CUX1: variants seen among roughly 807,000 people sequenced by gnomAD.
CUX1 encodes protein CASP.
A neutral mutation model predicts 158.8 loss-of-function variants in CUX1; 31 were observed. That is an observed-to-expected ratio of 0.20 (90% CI 0.15 to 0.26). The LOEUF is 0.26. Ranked by LOEUF, CUX1 falls within the 10% of genes least tolerant of loss-of-function variation. The probability of loss-of-function intolerance (pLI) is 1.00; values close to 1 mark genes in which losing one functional copy is unlikely to be tolerated. For synonymous variants in CUX1, 879 were observed against 862.1 expected, an observed-to-expected ratio of 1.02 and a Z score of -0.34; for missense variants, 1,589 against 2,014.6, an observed-to-expected ratio of 0.79 and a Z score of 4.04.
chr7:101,877,420 C>T (rs1358075649), intron 1 of CUX1, among the ~76,000 whole-genome samples: 1 of 152,198 alleles, frequency 6.6e-6, no homozygotes, highest in Non-Finnish European at 1.5e-5. Context: ...GGTACAGTGG[C>T]TCATGCCTGT....
rs563159566 is a variant in CUX1, at chr7:101,941,940, C to T, written c.141+25715C>T. 1.3e-4 allele frequency among the ~76,000 whole-genome samples: 20 copies of T among 152,264 alleles called. No homozygotes were observed. The South Asian group carries it at 4.1e-3, about 32-fold the overall frequency. On this transcript the variant is annotated intron_variant, in intron 2 of 23. Coordinates refer to ENST00000292535, the MANE Select transcript of CUX1 (RefSeq NM_181552.4). ...GAAAGGTTTCTCTCTCTCCCTCCCC[C>T]TCTCTCTGTCCCTGTTTTTAAGTCC...
rs556985865 is a variant in CUX1 at position 102,252,934 on chromosome 7, C to G, written c.*3892C>G. 6 of 985,456 alleles carry G rather than the reference C, an allele frequency of 6.1e-6. No homozygotes were observed. The Admixed American group carries it at 3.7e-4, about 61-fold the overall frequency. 61.0% of individuals were successfully genotyped at this position (985,456 alleles called of 1,614,324 possible). On this transcript the variant is annotated 3_prime_UTR_variant, in exon 24 of 24. Transcript: ENST00000292535. ...GTCTCCTGGGACAGGATTGGGGTGA[C>G]AGCCCAGGGATGCATGCATGGGAGA...
At chr7:101,971,028 T>TGA (rs1811882933) in intron 2 of CUX1, among the ~76,000 whole-genome samples, 1 of 152,222 alleles carries the variant, frequency 6.6e-6, no homozygotes, top group African/African-American at 2.4e-5. Flanking sequence ...GGCACTGAGC[T>TGA]GAGCACGTTC....
At chr7:102,197,445 A>G in intron 15 of CUX1, 140 bp downstream of exon 15, 4 of 1,052,734 alleles carry the variant, frequency 3.8e-6, no homozygotes, top group Non-Finnish European at 5.5e-6. Context: ...TGCTTCTGCC[A>G]CGTCCAGAGC....
At position 102,201,673 on chromosome 7, in the gene CUX1, C is replaced by T. The variant is rs782446359; in HGVS notation, c.2376C>T (p.Pro792=). 1.2e-5 allele frequency: 19 copies of T among 1,612,786 alleles called. No homozygotes were observed. Among genetic ancestry groups the T allele is most frequent in the South Asian group, 3.3e-5 (3 of 91,086 alleles). Residue 792 remains proline, a synonymous_variant, in exon 18 of 24, where the codon CCC becomes CCT. Transcript: ENST00000292535. This position sits in a 1 kb window ranked among gnomAD's most constrained non-coding sequence, Gnocchi z 5.0. ...TCAAAAAGGAGGCCCAGGACGCCCCCGGGCTGGACCCCCAGGGAGCAGCCG... is the reference window on the plus strand; with the variant it reads ...TCAAAAAGGAGGCCCAGGACGCCCCTGGGCTGGACCCCCAGGGAGCAGCCG... The part of the protein sequence containing the change: ...PALKKEAQDA[P]GLDPQGAADC...
intron 21 of CUX1, among the ~76,000 whole-genome samples, chr7:102,229,197 T>A (rs1798678963): frequency 6.6e-6 from 1 of 152,146 alleles, no homozygotes; most frequent in African/African-American, 2.4e-5. Flanking sequence ...GGCCTCGGCC[T>A]GGCACATGCT....
intron 8 of CUX1, among the ~76,000 whole-genome samples, chr7:102,124,724 G>A (rs10243722): frequency 1.5e-3 from 227 of 152,210 alleles, no homozygotes; most frequent in African/African-American, 5.3e-3. Context: ...AAGTTTGAGA[G>A]ATGTATTAGA....
rs1173717385 is a variant in CUX1 at position 102,207,188 on chromosome 7, C to T, written c.3130+2018C>T. On this transcript the variant is annotated intron_variant, in intron 20 of 23. Coordinates refer to ENST00000292535, the MANE Select transcript of CUX1 (RefSeq NM_181552.4). The stretch of plus-strand genomic sequence containing the variant: ...GTTAGTTAAGACTCCTGGGCAATCT[C>T]GCAGATTGGAAGCAGGAGAGAGAAA... Among the ~76,000 whole-genome samples the T allele has an allele frequency of 2.0e-5, 3 of 152,186 alleles. No homozygotes were observed. The Middle Eastern group carries it at 0.01, about 518-fold the overall frequency.
intron 1 of CUX1, among the ~76,000 whole-genome samples, chr7:101,902,439 T>C (rs987290306): frequency 6.6e-6 from 1 of 152,212 alleles, no homozygotes; most frequent in Non-Finnish European, 1.5e-5. Context: ...TACATGTAAC[T>C]GTTGGGCCCT....
intron 6 of CUX1, among the ~76,000 whole-genome samples, chr7:102,107,935 A>C (rs1395109903): frequency 6.6e-6 from 1 of 152,076 alleles, no homozygotes; most frequent in Non-Finnish European, 1.5e-5. Flanking sequence ...CAGGGCACAG[A>C]CTCCAGGAAA....
At chr7:102,221,059 C>T (rs1232297745) in intron 20 of CUX1, among the ~76,000 whole-genome samples, 1 of 152,158 alleles carries the variant, frequency 6.6e-6, no homozygotes, top group Non-Finnish European at 1.5e-5. Flanking sequence ...CCTCCCCTCT[C>T]CCCTCTCCCC....
rs1294084374 is a variant in CUX1, at chr7:101,856,115, C to T, written c.30+38446C>T. ...GGATCGCTTGAGTCCAGCAGGAGGT[C>T]AAGGCTGCAGTGAGCTATGATCAAG... On this transcript the variant is annotated intron_variant, in intron 1 of 23. Transcript: ENST00000292535. Among the ~76,000 whole-genome samples, 10 of 129,446 alleles carry T rather than the reference C, an allele frequency of 7.7e-5. No homozygotes were observed. In the Admixed American group the frequency reaches 9.3e-4, roughly 12 times the overall value. 84.9% of individuals were successfully genotyped at this position (129,446 alleles called of 152,430 possible).
chr7:101,911,551 T>C (rs900052804), intron 1 of CUX1, among the ~76,000 whole-genome samples: 5 of 152,122 alleles, frequency 3.3e-5, no homozygotes, highest in Admixed American at 3.3e-4. Context: ...GCCTTGACCT[T>C]GGCCCTCCAG....
intron 1 of CUX1, among the ~76,000 whole-genome samples, chr7:101,890,762 A>G (rs1376802585): frequency 6.6e-6 from 1 of 152,056 alleles, no homozygotes; most frequent in African/African-American, 2.4e-5. Flanking sequence ...TTTAACCTCT[A>G]TTTAGTTAAT....
chr7:101,904,849 G>A (rs182305063), intron 1 of CUX1, among the ~76,000 whole-genome samples: 5 of 152,288 alleles, frequency 3.3e-5, no homozygotes, highest in Admixed American at 1.3e-4. Context: ...GATTACAGGC[G>A]TGAGCCACTG....
At chr7:101,866,113 C>T (rs192775634) in intron 1 of CUX1, among the ~76,000 whole-genome samples, 41 of 149,432 alleles carry the variant, frequency 2.7e-4, no homozygotes, top group African/African-American at 9.6e-4. Flanking sequence ...TTGCTTGAGC[C>T]CAGGAATTTG....
chr7:102,097,961 C>T (rs1340391053), intron 5 of CUX1, among the ~76,000 whole-genome samples: 3 of 152,350 alleles, frequency 2.0e-5, no homozygotes, highest in East Asian at 3.9e-4. Flanking sequence ...TTGTCAGTAT[C>T]GCCTATTCAT....
rs1554534127 is a variant in CUX1 at position 102,239,544 on chromosome 7, C to T, written c.3847C>T (p.Leu1283=). ...TIEDLATQLN[L]KTSTVINWFH... is the part of the protein sequence containing the mutation. ...CGAAGACCTCGCCACCCAGCTCAAC[C>T]TGAAAACCAGCACCGTCATCAACTG... Residue 1283 remains leucine (L), a synonymous_variant, in exon 23 of 24, where the codon CTG becomes TTG. Coordinates refer to ENST00000292535, the MANE Select transcript of CUX1 (RefSeq NM_181552.4). The T allele has an allele frequency of 6.2e-7, 1 of 1,614,066 alleles. No homozygotes were observed. The highest frequency in any genetic ancestry group is 1.7e-5 in the Admixed American group (1 of 60,028).
chr7:102,219,353 C>A (rs1178579253), intron 20 of CUX1, among the ~76,000 whole-genome samples: 2 of 152,110 alleles, frequency 1.3e-5, no homozygotes, highest in African/African-American at 4.8e-5. Context: ...GAGGCATCTT[C>A]CCTCCCACTC....
Sources: allele counts gnomAD v4.1 joint callset (sites outside exome capture counted in the v4.1 genomes callset), GRCh38; gene constraint gnomAD v4.1.1; non-coding constraint Gnocchi (gnomAD v3.1); transcripts MANE v1.5; gene names NCBI Gene and HGNC (gene_info 2026-07-23, HGNC 2026-07-21).